Variants in MARCHF5 observed in about 807,000 individuals in gnomAD.
MARCHF5 encodes the protein membrane associated ring-CH-type finger 5.
MARCHF5 carries 5 observed loss-of-function variants against 36.5 expected under a neutral mutation model. That is an observed-to-expected ratio of 0.14 (90% CI 0.07 to 0.29). The LOEUF (loss-of-function observed/expected upper bound fraction) is 0.29. MARCHF5 is among the 10% of genes least tolerant of loss of function. MARCHF5 has a pLI of 1.00. For synonymous variants in MARCHF5, 103 were observed against 109.9 expected (o/e 0.94, Z 0.39); for missense variants, 179 against 336.3 (o/e 0.53, Z 3.66).
At chr10:92,333,848 A>G (rs1252753177) in intron 2 of MARCHF5, among the ~76,000 whole-genome samples, 2 of 152,168 alleles carry the variant, frequency 1.3e-5, no homozygotes, top group Non-Finnish European at 2.9e-5. Flanking sequence ...AAAAATCTGT[A>G]CTTCTGGGTG....
intron 1 of MARCHF5, among the ~76,000 whole-genome samples, chr10:92,294,602 G>A (rs1489397574): frequency 6.6e-6 from 1 of 152,072 alleles, no homozygotes; most frequent in African/African-American, 2.4e-5. Context: ...TCCCCAACCT[G>A]GTTTTTGGTG....
At chr10:92,313,386 C>T (rs1001986441) in intron 2 of MARCHF5, among the ~76,000 whole-genome samples, 3 of 151,976 alleles carry the variant, frequency 2.0e-5, no homozygotes, top group Non-Finnish European at 4.4e-5. Context: ...TGGCAGATCA[C>T]GAGGTCAGGA....
intron 1 of MARCHF5, among the ~76,000 whole-genome samples, chr10:92,305,526 G>T (rs1460349015): frequency 1.3e-5 from 2 of 152,192 alleles, no homozygotes; most frequent in African/African-American, 2.4e-5. Flanking sequence ...GAAACAAAGT[G>T]CTGGGTACCC....
chr10:92,330,600 G>GT lies in MARCHF5; in HGVS notation c.239-10067dup, dbSNP rs1843424343. 3.3e-5 allele frequency among the ~76,000 whole-genome samples: 5 copies of GT among 152,148 alleles called. No individual in the cohort carries two copies. In the South Asian group the frequency reaches 1.0e-3, roughly 32 times the overall value. On this transcript the variant is annotated intron_variant, in intron 2 of 5. Transcript: ENST00000358935. ...TGTATTCCAGAGCTATATACCACAA[G>GT]TTTTTTCTCAGACACCTGCTGTCTT...
chr10:92,304,389 A>G (rs1287419234), intron 1 of MARCHF5, among the ~76,000 whole-genome samples: 1 of 152,226 alleles, frequency 6.6e-6, no homozygotes, highest in African/African-American at 2.4e-5. Context: ...TTTTATGCTA[A>G]AACTCCTTTG....
chr10:92,303,242 T>C (rs911657090), intron 1 of MARCHF5, among the ~76,000 whole-genome samples: 1 of 152,232 alleles, frequency 6.6e-6, no homozygotes, highest in Non-Finnish European at 1.5e-5. Flanking sequence ...AGATTGTCTT[T>C]GTTATTCATC....
At chr10:92,312,663 C>A (rs1843158115) in intron 2 of MARCHF5, among the ~76,000 whole-genome samples, 1 of 152,118 alleles carries the variant, frequency 6.6e-6, no homozygotes. Context: ...AATTAGATAG[C>A]CCCACCTTTG....
intron 2 of MARCHF5, among the ~76,000 whole-genome samples, chr10:92,311,908 A>G (rs1458331171): frequency 6.6e-6 from 1 of 152,236 alleles, no homozygotes; most frequent in Non-Finnish European, 1.5e-5. Context: ...AAAAAAGTAT[A>G]GCAGACTGCT....
intron 2 of MARCHF5, among the ~76,000 whole-genome samples, chr10:92,325,147 A>G (rs1454393784): frequency 1.3e-5 from 2 of 152,170 alleles, no homozygotes; most frequent in Non-Finnish European, 2.9e-5. Context: ...AGCCTGAGCA[A>G]CATAGTGAGA....
Position 92,326,360 on chromosome 10 carries a change from A to G in MARCHF5, c.239-14313A>G, listed in dbSNP as rs1843358303. ...TAGATATTGTCCTCAGTTTGTAGATAAGAAGTAGACTCAGCAAATTTATGT... is the reference window on the plus strand; with the variant it reads ...TAGATATTGTCCTCAGTTTGTAGATGAGAAGTAGACTCAGCAAATTTATGT... On this transcript the variant is annotated intron_variant, in intron 2 of 5. Transcript: ENST00000358935. 1.3e-5 allele frequency among the ~76,000 whole-genome samples: 2 copies of G among 152,166 alleles called. 1 individual carries two copies. Among genetic ancestry groups the G allele is most frequent in the Non-Finnish European group, 2.9e-5 (2 of 68,022 alleles).
rs1473725126 is a variant in MARCHF5 at position 92,327,608 on chromosome 10, C to G, written c.239-13065C>G. On this transcript the variant is annotated intron_variant, in intron 2 of 5. Transcript: ENST00000358935. ...CTATAATTGGCTTTTGTAGAGATTA[C>G]ACCCATTTAATCTCCCAACGGTGTA... Among the ~76,000 whole-genome samples the G allele has an allele frequency of 1.4e-4, 22 of 152,316 alleles. 1 individual carries two copies. Among genetic ancestry groups the G allele is most frequent in the Admixed American group, 1.4e-3 (22 of 15,296 alleles).
At chr10:92,320,586 G>A (rs569280292) in intron 2 of MARCHF5, among the ~76,000 whole-genome samples, 1 of 152,028 alleles carries the variant, frequency 6.6e-6, no homozygotes, top group Admixed American at 6.5e-5. Flanking sequence ...AGGCTAATGT[G>A]TGTATTTGTG....
intron 2 of MARCHF5, among the ~76,000 whole-genome samples, chr10:92,327,662 G>A (rs1169619836): frequency 1.3e-5 from 2 of 152,112 alleles, no homozygotes; most frequent in Non-Finnish European, 2.9e-5. Context: ...CATTGCCTTT[G>A]CCAACATGCT....
intron 1 of MARCHF5, among the ~76,000 whole-genome samples, chr10:92,295,446 C>T (rs1311502722): frequency 7.6e-5 from 11 of 143,992 alleles, no homozygotes; most frequent in African/African-American, 1.8e-4. Context: ...CTCGCTCAGT[C>T]GCCCAGGCTG....
chr10:92,320,166 G>A (rs1250144362), intron 2 of MARCHF5, among the ~76,000 whole-genome samples: 1 of 151,674 alleles, frequency 6.6e-6, no homozygotes, highest in African/African-American at 2.4e-5. Flanking sequence ...GGATCCTCCT[G>A]CTTCAGCCTC....
Position 92,351,505 on chromosome 10 carries a change from A to G in MARCHF5, c.*298A>G, listed in dbSNP as rs1027894364. The G allele has an allele frequency of 1.4e-5, 3 of 208,442 alleles. No individual in the cohort carries two copies. The highest frequency in any genetic ancestry group is 2.3e-5 in the African/African-American group (1 of 43,478). The allele number at this position is 208,442 out of a possible 1,614,324, so 12.9% of individuals were successfully genotyped here. A position where few individuals can be genotyped will look rare whatever the true frequency, so the allele number is the denominator to read the frequency against. Reference sequence around the variant, plus strand: ...TCTCCAGACAGAAATGCAAAGATCAAACTGTGCAAATATTAAAAAAATGCA... The same window carrying G: ...TCTCCAGACAGAAATGCAAAGATCAGACTGTGCAAATATTAAAAAAATGCA... On this transcript the variant is annotated 3_prime_UTR_variant, in exon 6 of 6. Transcript: ENST00000358935.
chr10:92,353,663 T>C lies in MARCHF5; in HGVS notation c.*2456T>C, dbSNP rs1028822116. Reference sequence around the variant, plus strand: ...GGTGGGTATATTTTATTTTCCAGTTTATTTTCATATTTCTTTACTGTGTTA... The same window carrying C: ...GGTGGGTATATTTTATTTTCCAGTTCATTTTCATATTTCTTTACTGTGTTA... On this transcript the variant is annotated 3_prime_UTR_variant, in exon 6 of 6. Coordinates refer to ENST00000358935, the MANE Select transcript of MARCHF5 (RefSeq NM_017824.5). 6.6e-6 allele frequency: 1 copy of C among 152,654 alleles called. No homozygotes were observed. The highest frequency in any genetic ancestry group is 2.4e-5 in the African/African-American group (1 of 41,460). The allele number at this position is 152,654 out of a possible 1,614,324, so 9.5% of individuals were successfully genotyped here.
chr10:92,291,663 G>A (rs1842868006), intron 1 of MARCHF5, 134 bp downstream of exon 1: 1 of 1,354,788 alleles, frequency 7.4e-7, no homozygotes, highest in Non-Finnish European at 9.7e-7. Context: ...CCGTGAGAGG[G>A]GCAAAAAGTT....
chr10:92,297,834 T>C (rs1273586992), intron 1 of MARCHF5, among the ~76,000 whole-genome samples: 1 of 152,120 alleles, frequency 6.6e-6, no homozygotes, highest in East Asian at 1.9e-4. Context: ...TTTAGATTCT[T>C]ATTTTCTCTT....
Sources: allele counts gnomAD v4.1 joint callset (sites outside exome capture counted in the v4.1 genomes callset), GRCh38; gene constraint gnomAD v4.1.1; transcripts MANE v1.5; gene names NCBI Gene and HGNC (gene_info 2026-07-23, HGNC 2026-07-21).